SDK1: variants seen among roughly 807,000 people sequenced by gnomAD.
The protein encoded by SDK1 is protein sidekick-1.
SDK1 carries 157 observed loss-of-function variants against 245.5 expected under a neutral mutation model. The observed-to-expected ratio is 0.64, with a 90% confidence interval of 0.56 to 0.73. The LOEUF (loss-of-function observed/expected upper bound fraction) is 0.73, where lower values mean the gene tolerates loss of function less well. SDK1 is among the 30% of genes least tolerant of loss of function. The pLI is 0.00. For missense variants in SDK1, 3,583 were observed against 3,002.3 expected (o/e 1.19, Z -4.52); for synonymous variants, 1,647 against 1,278.5 (o/e 1.29, Z -6.15).
chr7:3,510,738 T>C (rs968876778), intron 1 of SDK1, among the ~76,000 whole-genome samples: 2 of 152,092 alleles, frequency 1.3e-5, no homozygotes, highest in African/African-American at 2.4e-5. Context: ...TGATAGATGT[T>C]TCTTTTCAGA....
intron 35 of SDK1, among the ~76,000 whole-genome samples, chr7:4,180,033 C>G (rs111503375): frequency 6.6e-6 from 1 of 151,856 alleles, no homozygotes; most frequent in African/African-American, 2.4e-5. Context: ...GCCCTGAGAC[C>G]GAGGCAGACG....
At chr7:3,733,599 C>G (rs1396922006) in intron 4 of SDK1, among the ~76,000 whole-genome samples, 1 of 152,100 alleles carries the variant, frequency 6.6e-6, no homozygotes, top group African/African-American at 2.4e-5. Flanking sequence ...TTACCTCTAG[C>G]CCGCGAGTTC....
chr7:3,675,795 C>A (rs1783873717), intron 4 of SDK1, among the ~76,000 whole-genome samples: 1 of 152,192 alleles, frequency 6.6e-6, no homozygotes, highest in Non-Finnish European at 1.5e-5. Flanking sequence ...TCCCAAAGTT[C>A]TGGAATTACA....
intron 42 of SDK1, among the ~76,000 whole-genome samples, 193 bp downstream of exon 42, chr7:4,237,977 AC>A (rs528366709): frequency 7.9e-5 from 12 of 152,068 alleles, no homozygotes; most frequent in Non-Finnish European, 1.6e-4. Flanking sequence ...ATGCCTCGGG[AC>A]CCAGATGCTG....
Position 3,664,725 on chromosome 7 carries a change from G to A in SDK1, c.713+22620G>A, listed in dbSNP as rs1783473812. Among the ~76,000 whole-genome samples the A allele has an allele frequency of 3.5e-5, 5 of 143,166 alleles. No individual in the cohort carries two copies. The South Asian group carries it at 1.2e-3, about 35-fold the overall frequency. The allele number at this position is 143,166 out of a possible 152,430, so 93.9% of individuals were successfully genotyped here. Reference sequence around the variant, plus strand: ...ACTGCACTCCAGCCTGGGCAACAGAGCGAGACTCTGTCTCAAAAAAAAAAA... The same window carrying A: ...ACTGCACTCCAGCCTGGGCAACAGAACGAGACTCTGTCTCAAAAAAAAAAA... On this transcript the variant is annotated intron_variant, in intron 4 of 44. Coordinates refer to ENST00000404826, the MANE Select transcript of SDK1 (RefSeq NM_152744.4).
rs1027530134 is a variant in SDK1, at chr7:4,265,423, A to G, written c.*39A>G. 2 of 1,404,976 alleles carry G rather than the reference A, an allele frequency of 1.4e-6. No homozygotes were observed. Among genetic ancestry groups the G allele is most frequent in the African/African-American group, 3.0e-5 (2 of 65,842 alleles). 87.0% of individuals were successfully genotyped at this position (1,404,976 alleles called of 1,614,324 possible). A position where few individuals can be genotyped will look rare whatever the true frequency, so the allele number is the denominator to read the frequency against. ...CCTCCCTCAGGGCGGAACGGAGGCA[A>G]CTTTCCGGAGTCTATTTTTGTTAAG... On this transcript the variant is annotated 3_prime_UTR_variant, in exon 45 of 45. Transcript: ENST00000404826.
chr7:3,844,536 C>A (rs1402032268), intron 5 of SDK1, among the ~76,000 whole-genome samples: 1 of 152,154 alleles, frequency 6.6e-6, no homozygotes, highest in African/African-American at 2.4e-5. Flanking sequence ...CTCATCTGCC[C>A]CAGATGGACA....
At chr7:4,122,615 T>C (rs1450512749) in intron 25 of SDK1, among the ~76,000 whole-genome samples, 4 of 152,066 alleles carry the variant, frequency 2.6e-5, no homozygotes, top group African/African-American at 9.7e-5. Flanking sequence ...TATGATATAT[T>C]CTAAGGATAA....
chr7:3,414,474 A>T (rs182989138), intron 1 of SDK1, among the ~76,000 whole-genome samples: 13 of 152,226 alleles, frequency 8.5e-5, no homozygotes, highest in African/African-American at 2.9e-4. Context: ...TTTCTTTGGT[A>T]TGTTTTAGTT....
chr7:3,957,492 A>G (rs1012180981), intron 7 of SDK1, among the ~76,000 whole-genome samples: 3 of 152,246 alleles, frequency 2.0e-5, no homozygotes, highest in Non-Finnish European at 4.4e-5. Context: ...GAAAACGCTC[A>G]ACTAAGAAGA....
intron 22 of SDK1, among the ~76,000 whole-genome samples, chr7:4,084,013 C>T (rs549448504): frequency 9.2e-5 from 14 of 152,214 alleles, no homozygotes; most frequent in African/African-American, 3.1e-4. Flanking sequence ...CTCATCCATC[C>T]ATGATCTTTG....
At chr7:3,821,741 A>C (rs1370238199) in intron 5 of SDK1, among the ~76,000 whole-genome samples, 158 bp downstream of exon 5, 1 of 152,168 alleles carries the variant, frequency 6.6e-6, no homozygotes, top group African/African-American at 2.4e-5. Context: ...GGAGAGCTTT[A>C]GGGCTCTTGC....
chr7:3,357,821 A>G (rs550619040), intron 1 of SDK1, among the ~76,000 whole-genome samples: 11 of 152,260 alleles, frequency 7.2e-5, no homozygotes, highest in Non-Finnish European at 1.0e-4. Flanking sequence ...TTTCTTTGCT[A>G]TTGGATTCAT....
chr7:3,417,813 T>C (rs1026443430), intron 1 of SDK1, among the ~76,000 whole-genome samples: 2 of 152,146 alleles, frequency 1.3e-5, no homozygotes, highest in African/African-American at 4.8e-5. Flanking sequence ...TGCTGAGATA[T>C]GGCATGTCAG....
At chr7:4,156,416 T>C (rs1227138830) in intron 30 of SDK1, among the ~76,000 whole-genome samples, 1 of 152,200 alleles carries the variant, frequency 6.6e-6, no homozygotes, top group Non-Finnish European at 1.5e-5. Flanking sequence ...GCATCTCCAT[T>C]AAAGCTGGGA....
At chr7:3,967,264 A>T in intron 9 of SDK1, 54 bp from the exon 10 acceptor site, 1 of 1,377,150 alleles carries the variant, frequency 7.3e-7, no homozygotes, top group Non-Finnish European at 1.0e-6. Flanking sequence ...TGCCAGGCTG[A>T]TGTGAGCCTC....
At chr7:3,308,863 G>A (rs772484666) in intron 1 of SDK1, among the ~76,000 whole-genome samples, 1 of 151,986 alleles carries the variant, frequency 6.6e-6, no homozygotes, top group Non-Finnish European at 1.5e-5. Context: ...ATTTTACAAC[G>A]ATGAATAGTC....
chr7:3,613,325 C>G (rs75333194), intron 1 of SDK1, among the ~76,000 whole-genome samples: 3,601 of 152,238 alleles, frequency 0.024, 149 homozygotes, highest in African/African-American at 0.081. Context: ...GAAGATTATT[C>G]TCACATTGGA....
chr7:3,505,111 C>T (rs1882426), intron 1 of SDK1, among the ~76,000 whole-genome samples: 138,587 of 152,336 alleles, frequency 0.91, 63,278 homozygotes, highest in African/African-American at 0.98. Context: ...GTACATACTT[C>T]GTCAGAATAA....
Sources: gnomAD v4.1 joint callset for allele counts (sites outside exome capture counted in the v4.1 genomes callset) on GRCh38, gnomAD v4.1.1 for gene constraint, MANE v1.5 for transcripts, NCBI Gene and HGNC (gene_info 2026-07-23, HGNC 2026-07-21) for gene names.